SNX8: variants seen among roughly 807,000 people sequenced by gnomAD.
SNX8 encodes the protein sorting nexin 8, also known as sorting nexin-8.
SNX8 carries 25 observed loss-of-function variants against 51.6 expected under a neutral mutation model. That is an observed-to-expected ratio of 0.48 (90% CI 0.35 to 0.68). The LOEUF (loss-of-function observed/expected upper bound fraction) is 0.68. SNX8 is among the 30% of genes least tolerant of loss of function. SNX8 has a pLI of 0.00. For missense variants in SNX8, 695 were observed against 624.0 expected, an observed-to-expected ratio of 1.11 and a Z score of -1.21; for synonymous variants, 324 against 277.0, an observed-to-expected ratio of 1.17 and a Z score of -1.68.
chr7:2,262,759 C>T (rs898412686), intron 7 of SNX8, among the ~76,000 whole-genome samples: 1 of 152,252 alleles, frequency 6.6e-6, no homozygotes. Flanking sequence ...TCCCAGGGAG[C>T]CACCAGGAAC....
intron 1 of SNX8, 135 bp downstream of exon 1, chr7:2,314,193 G>A (rs1796714065): frequency 2.1e-6 from 2 of 952,636 alleles, no homozygotes; most frequent in Admixed American, 4.5e-5. Context: ...GAGGGACTGG[G>A]GCGTGGGGCC....
chr7:2,294,387 C>G (rs1228366721), intron 1 of SNX8, among the ~76,000 whole-genome samples: 4 of 152,196 alleles, frequency 2.6e-5, no homozygotes. Flanking sequence ...CTGGCAAGGA[C>G]TTGGAGATTG....
intron 1 of SNX8, among the ~76,000 whole-genome samples, chr7:2,333,560 T>C (rs1778775857): frequency 6.6e-6 from 1 of 152,062 alleles, no homozygotes. Flanking sequence ...AGAACCTGTC[T>C]CTAAATAAAT....
At position 2,257,815 on chromosome 7, in the gene SNX8, G is replaced by C; in HGVS notation, c.916-12C>G. 6.2e-7 allele frequency: 1 copy of C among 1,613,406 alleles called. No individual in the cohort carries two copies. The highest frequency in any genetic ancestry group is 1.1e-5 in the South Asian group (1 of 91,078). On this transcript the variant is annotated splice_polypyrimidine_tract_variant and intron_variant, in intron 7 of 10. Transcript: ENST00000222990. ...TCTTCCTGCTTACCCTGGAAGGCGA[G>C]GGGGAGCTCACCCACGCGGACGCAC...
intron 1 of SNX8, among the ~76,000 whole-genome samples, chr7:2,281,345 A>G (rs1418343554): frequency 6.6e-6 from 1 of 151,866 alleles, no homozygotes; most frequent in African/African-American, 2.4e-5. Flanking sequence ...CTTGAGCCCA[A>G]GAGTTCACGG....
intron 1 of SNX8, among the ~76,000 whole-genome samples, chr7:2,344,678 G>A (rs1027123468): frequency 6.6e-6 from 1 of 152,076 alleles, no homozygotes; most frequent in African/African-American, 2.4e-5. Context: ...CAGCACTTTG[G>A]GACACTGAGG....
chr7:2,338,982 C>A (rs1473428102), intron 1 of SNX8, among the ~76,000 whole-genome samples: 3 of 152,174 alleles, frequency 2.0e-5, no homozygotes, highest in Non-Finnish European at 1.5e-5. Context: ...ACAATCCCAG[C>A]TCACTGCAGC....
At position 2,277,977 on chromosome 7, in the gene SNX8, GT is replaced by G. The variant is rs926296144; in HGVS notation, c.300+122del. 28 of 1,443,962 alleles carry G rather than the reference GT, an allele frequency of 1.9e-5. No individual in the cohort carries two copies. In the African/African-American group the frequency reaches 3.1e-4, roughly 16 times the overall value. 89.4% of individuals were successfully genotyped at this position (1,443,962 alleles called of 1,614,324 possible). On this transcript the variant is annotated intron_variant, in intron 2 of 10. Coordinates refer to ENST00000222990, the MANE Select transcript of SNX8 (RefSeq NM_013321.4). ...CTGCTGCGAGTTCTGGATCTTGCCT[GT>G]AAGCCAGCCACACAGACTCACCCTT...
At chr7:2,265,964 A>C (rs1417473436) in intron 5 of SNX8, among the ~76,000 whole-genome samples, 1 of 152,008 alleles carries the variant, frequency 6.6e-6, no homozygotes, top group Non-Finnish European at 1.5e-5. Context: ...ACAAACAAAC[A>C]AATCAGCCAA....
chr7:2,345,034 T>C (rs916581313), intron 1 of SNX8, among the ~76,000 whole-genome samples: 1 of 152,132 alleles, frequency 6.6e-6, no homozygotes, highest in African/African-American at 2.4e-5. Context: ...TACAGATACT[T>C]TGGAGAACAA....
chr7:2,306,004 G>A lies in SNX8; in HGVS notation c.94+8324C>T, dbSNP rs988257392. 1.1e-4 allele frequency among the ~76,000 whole-genome samples: 17 copies of A among 152,262 alleles called. No homozygotes were observed. In the East Asian group the frequency reaches 3.1e-3, roughly 28 times the overall value. On this transcript the variant is annotated intron_variant, in intron 1 of 10. Coordinates refer to ENST00000222990, the MANE Select transcript of SNX8 (RefSeq NM_013321.4). ...ATCTGGGTGCCTTCTTCCCGCCAGA[G>A]GGAACTACCAGCCTAATTGGTACGG...
At chr7:2,275,275 C>G in intron 2 of SNX8, 46 bp from the exon 3 acceptor site, 4 of 1,316,970 alleles carry the variant, frequency 3.0e-6, no homozygotes, top group Middle Eastern at 1.8e-4. Flanking sequence ...GGAAACTATG[C>G]TGTCGCGTCA....
intron 1 of SNX8, among the ~76,000 whole-genome samples, chr7:2,294,664 G>A (rs1203428179): frequency 1.3e-5 from 2 of 152,164 alleles, no homozygotes; most frequent in Non-Finnish European, 2.9e-5. Flanking sequence ...ATGTGAGCAG[G>A]AGCAGGAGCT....
intron 1 of SNX8, among the ~76,000 whole-genome samples, chr7:2,306,333 T>C (rs1046868920): frequency 1.3e-5 from 2 of 152,006 alleles, no homozygotes; most frequent in South Asian, 2.1e-4. Flanking sequence ...GGTTTCACCA[T>C]GTTGGCCAGG....
intron 1 of SNX8, among the ~76,000 whole-genome samples, chr7:2,290,205 A>T (rs577824814): frequency 1.9e-4 from 29 of 152,212 alleles, no homozygotes; most frequent in South Asian, 4.1e-4. Flanking sequence ...AATAAATGAA[A>T]AAATAAATAA....
At chr7:2,274,118 C>T (rs990761221) in intron 3 of SNX8, among the ~76,000 whole-genome samples, 3 of 152,236 alleles carry the variant, frequency 2.0e-5, no homozygotes, top group Admixed American at 6.5e-5. Context: ...CATCACACAT[C>T]CCTGTCGCGT....
rs988977822 is a variant in SNX8 at position 2,307,207 on chromosome 7, T to C, written c.94+7121A>G. ...CCAAAAGGGACCCTACCTGATATTT[T>C]AATGCCAATATTTTCCCAAAAACAC... On this transcript the variant is annotated intron_variant, in intron 1 of 10. Coordinates refer to ENST00000222990, the MANE Select transcript of SNX8 (RefSeq NM_013321.4). Among the ~76,000 whole-genome samples, 8 of 151,752 alleles carry C rather than the reference T, an allele frequency of 5.3e-5. No individual in the cohort carries two copies. In the South Asian group the frequency reaches 1.2e-3, roughly 24 times the overall value.
chr7:2,343,805 G>A (rs1404806360), intron 1 of SNX8, among the ~76,000 whole-genome samples: 3 of 151,898 alleles, frequency 2.0e-5, no homozygotes, highest in Non-Finnish European at 4.4e-5. Context: ...GATCACTTGA[G>A]GTCGGGAGTT....
chr7:2,348,260 C>G (rs566034504), intron 1 of SNX8, among the ~76,000 whole-genome samples: 1 of 151,402 alleles, frequency 6.6e-6, no homozygotes, highest in African/African-American at 2.5e-5. Flanking sequence ...CTAGCTCCCC[C>G]TCTAGCCTGC....
Sources: allele counts gnomAD v4.1 joint callset (sites outside exome capture counted in the v4.1 genomes callset), GRCh38; gene constraint gnomAD v4.1.1; transcripts MANE v1.5; gene names NCBI Gene and HGNC (gene_info 2026-07-23, HGNC 2026-07-21).